Variants in WWOX observed in about 807,000 individuals in gnomAD.
WWOX encodes the protein WW domain containing oxidoreductase.
WWOX carries 69 observed loss-of-function variants against 46.2 expected under a neutral mutation model. The ratio of observed to expected loss-of-function variants is 1.49; its 90% CI spans 1.23 to 1.82. The LOEUF is 1.82. Ranked by LOEUF, WWOX falls within the 40% of genes most tolerant of loss-of-function variation. WWOX has a pLI of 0.00. For synonymous variants in WWOX, 359 were observed against 202.6 expected (o/e 1.77, Z -6.56); for missense variants, 919 against 542.6 (o/e 1.69, Z -6.89).
intron 8 of WWOX, among the ~76,000 whole-genome samples, chr16:78,915,480 C>T (rs753130277): frequency 3.3e-5 from 5 of 152,112 alleles, no homozygotes; most frequent in African/African-American, 4.8e-5. Flanking sequence ...CCTCTAATGA[C>T]GCTGGCCAAT....
rs202139863 is a variant in WWOX at position 78,838,726 on chromosome 16, C to T, written c.1057-372882C>T. 1.1e-4 allele frequency among the ~76,000 whole-genome samples: 17 copies of T among 152,162 alleles called. 1 individual carries two copies. The East Asian group carries it at 3.3e-3, about 30-fold the overall frequency. On this transcript the variant is annotated intron_variant, in intron 8 of 8. Coordinates refer to ENST00000566780, the MANE Select transcript of WWOX (RefSeq NM_016373.4). ...GGCGTGGTAGCACACACCTGTAATC[C>T]CAGCAACTCGGGAGGCTGAGACAGG...
chr16:78,994,878 A>C (rs941223082), intron 8 of WWOX, among the ~76,000 whole-genome samples: 1 of 151,914 alleles, frequency 6.6e-6, no homozygotes, highest in African/African-American at 2.4e-5. Context: ...ATAATGTGAA[A>C]AAGGTGGAAA....
intron 5 of WWOX, among the ~76,000 whole-genome samples, chr16:78,291,863 G>C (rs12928151): frequency 6.6e-6 from 1 of 151,542 alleles, no homozygotes; most frequent in African/African-American, 2.4e-5. Context: ...TCTGATGGCC[G>C]CCAGCTGAGG....
intron 8 of WWOX, among the ~76,000 whole-genome samples, chr16:78,688,628 TC>T (rs1567492125): frequency 6.6e-6 from 1 of 152,126 alleles, no homozygotes; most frequent in South Asian, 2.1e-4. Context: ...GGGCAAATTT[TC>T]CCCCAAGGGA....
chr16:78,849,368 G>A (rs1433543576), intron 8 of WWOX, among the ~76,000 whole-genome samples: 2 of 151,440 alleles, frequency 1.3e-5, no homozygotes, highest in Admixed American at 1.3e-4. Flanking sequence ...TCGGGAGATC[G>A]AGACTATCCT....
intron 8 of WWOX, among the ~76,000 whole-genome samples, chr16:78,726,091 C>G (rs1490890091): frequency 1.7e-5 from 2 of 114,780 alleles, no homozygotes; most frequent in Non-Finnish European, 3.5e-5. Flanking sequence ...CCCTCTTCCT[C>G]CCTCCCTCCC....
intron 5 of WWOX, among the ~76,000 whole-genome samples, chr16:78,369,729 C>T (rs1464959979): frequency 6.6e-6 from 1 of 151,936 alleles, no homozygotes; most frequent in East Asian, 1.9e-4. Context: ...CCAATTAAAC[C>T]CAATTGTTAA....
chr16:78,863,205 G>A (rs539696108), intron 8 of WWOX, among the ~76,000 whole-genome samples: 4 of 152,196 alleles, frequency 2.6e-5, no homozygotes, highest in South Asian at 2.1e-4. Context: ...TGATCCACCC[G>A]CCTTGGCCTC....
intron 8 of WWOX, among the ~76,000 whole-genome samples, chr16:78,797,389 A>T (rs1473060922): frequency 1.3e-5 from 2 of 149,824 alleles, no homozygotes; most frequent in Non-Finnish European, 2.9e-5. Context: ...AAGGAAAATC[A>T]AATATAAAAA....
intron 8 of WWOX, among the ~76,000 whole-genome samples, chr16:78,628,127 G>A (rs558362216): frequency 2.0e-5 from 3 of 152,296 alleles, no homozygotes; most frequent in Non-Finnish European, 4.4e-5. Flanking sequence ...CCTTCACACC[G>A]AGGATCTGCT....
intron 8 of WWOX, among the ~76,000 whole-genome samples, chr16:78,669,305 G>A (rs954581006): frequency 1.3e-5 from 2 of 152,240 alleles, no homozygotes; most frequent in Non-Finnish European, 2.9e-5. Context: ...GGATGGATTT[G>A]TGTCTATAAA....
At chr16:78,977,279 C>T (rs2046591341) in intron 8 of WWOX, among the ~76,000 whole-genome samples, 1 of 152,188 alleles carries the variant, frequency 6.6e-6, no homozygotes, top group Admixed American at 6.5e-5. Context: ...GAGGTTCGAG[C>T]TCTTAAATTT....
In WWOX at chr16:78,922,100, T is replaced by G. The variant is rs987723725; in HGVS notation, c.1057-289508T>G. Among the ~76,000 whole-genome samples the G allele has an allele frequency of 3.3e-5, 5 of 152,196 alleles. No individual in the cohort carries two copies. The East Asian group carries it at 5.8e-4, about 18-fold the overall frequency. On this transcript the variant is annotated intron_variant, in intron 8 of 8. Coordinates refer to ENST00000566780, the MANE Select transcript of WWOX (RefSeq NM_016373.4). ...ACAGAGAAACTCACCTGAGCCTCTG[T>G]GTTCAGAGTATTTATTGGGTCTTCG...
At chr16:78,652,735 C>T (rs149612199) in intron 8 of WWOX, among the ~76,000 whole-genome samples, 1 of 152,058 alleles carries the variant, frequency 6.6e-6, no homozygotes, top group Non-Finnish European at 1.5e-5. Context: ...TTAGGTTCTT[C>T]TGTGATAAAA....
chr16:78,902,625 T>A (rs1423797077), intron 8 of WWOX, among the ~76,000 whole-genome samples: 2 of 152,236 alleles, frequency 1.3e-5, no homozygotes, highest in Admixed American at 6.5e-5. Flanking sequence ...TCTCTTTGGC[T>A]GCAACGCTTT....
At chr16:78,790,541 A>G (rs375148592) in intron 8 of WWOX, among the ~76,000 whole-genome samples, 3 of 152,230 alleles carry the variant, frequency 2.0e-5, no homozygotes, top group South Asian at 2.1e-4. Flanking sequence ...ACCAGTATCT[A>G]CTACCGTGGA....
At chr16:79,000,335 C>A (rs527446373) in intron 8 of WWOX, among the ~76,000 whole-genome samples, 1 of 152,286 alleles carries the variant, frequency 6.6e-6, no homozygotes, top group Non-Finnish European at 1.5e-5. Context: ...TCCATGGAAC[C>A]TATAAATATG....
At chr16:78,722,573 A>G (rs935090774) in intron 8 of WWOX, among the ~76,000 whole-genome samples, 29 of 152,142 alleles carry the variant, frequency 1.9e-4, no homozygotes, top group Non-Finnish European at 2.2e-4. Flanking sequence ...CTGCCCCTCC[A>G]GTAGCTGTAG....
intron 8 of WWOX, chr16:79,206,790 T>C (rs2051526874): frequency 6.6e-6 from 1 of 152,218 alleles, no homozygotes; most frequent in Non-Finnish European, 1.5e-5. Context: ...GGTGACTTAC[T>C]GGTGTGGTCA....
Sources: gnomAD v4.1 joint callset for allele counts (sites outside exome capture counted in the v4.1 genomes callset) on GRCh38, gnomAD v4.1.1 for gene constraint, MANE v1.5 for transcripts, NCBI Gene and HGNC (gene_info 2026-07-23, HGNC 2026-07-21) for gene names.